The following TMEM132C variants were observed in gnomAD, a reference collection of about 807,000 sequenced individuals.
TMEM132C encodes protein phosphatase 1, regulatory subunit 152.
Under a neutral mutation model 61.4 loss-of-function variants are expected in TMEM132C, and 29 were observed. The ratio of observed to expected loss-of-function variants is 0.47; its 90% CI spans 0.35 to 0.64. The LOEUF is 0.64. Among genes scored for constraint, TMEM132C ranks in the 30% least tolerant of loss-of-function variants. TMEM132C has a pLI of 0.00. For missense variants in TMEM132C, 1,408 were observed against 1,476.9 expected (o/e 0.95, Z 0.76); for synonymous variants, 656 against 633.1 (o/e 1.04, Z -0.54).
At chr12:128,459,778 G>A (rs1051712948) in intron 2 of TMEM132C, among the ~76,000 whole-genome samples, 6 of 151,498 alleles carry the variant, frequency 4.0e-5, no homozygotes, top group African/African-American at 1.2e-4. Flanking sequence ...CCAGCTATTC[G>A]GGAGGCTGAG....
intron 3 of TMEM132C, among the ~76,000 whole-genome samples, chr12:128,595,656 G>A (rs1056469028): frequency 6.6e-5 from 10 of 152,192 alleles, no homozygotes; most frequent in Admixed American, 1.3e-4. Flanking sequence ...CAGAGGCCAG[G>A]CAGCAGCTGC....
chr12:128,695,684 A>C, intron 6 of TMEM132C, 146 bp from the exon 7 acceptor site: 3 of 786,898 alleles, frequency 3.8e-6, no homozygotes, highest in East Asian at 2.7e-5. Flanking sequence ...AGTGTTGCCT[A>C]GAGATAGGCT....
At chr12:128,642,839 T>A (rs1249864220) in intron 4 of TMEM132C, among the ~76,000 whole-genome samples, 1 of 152,178 alleles carries the variant, frequency 6.6e-6, no homozygotes, top group Non-Finnish European at 1.5e-5. Flanking sequence ...GACACACAAC[T>A]CAGAAGCAGC....
At chr12:128,530,251 T>C (rs1873239608) in intron 2 of TMEM132C, among the ~76,000 whole-genome samples, 3 of 152,228 alleles carry the variant, frequency 2.0e-5, no homozygotes, top group South Asian at 2.1e-4. Flanking sequence ...AGATCAGCCC[T>C]CATGGCACAG....
intron 1 of TMEM132C, among the ~76,000 whole-genome samples, chr12:128,370,962 GGTAA>G (rs1296122695): frequency 6.6e-6 from 1 of 152,114 alleles, no homozygotes; most frequent in Non-Finnish European, 1.5e-5. Flanking sequence ...CACCCTTTGA[GGTAA>G]GTCTTATTAC....
intron 5 of TMEM132C, among the ~76,000 whole-genome samples, chr12:128,669,957 A>G (rs1011344105): frequency 1.3e-5 from 2 of 152,206 alleles, no homozygotes; most frequent in African/African-American, 4.8e-5. Context: ...TTTTGTACCA[A>G]CCTAATAATT....
intron 4 of TMEM132C, among the ~76,000 whole-genome samples, chr12:128,642,447 C>T (rs1309862210): frequency 6.6e-6 from 1 of 152,174 alleles, no homozygotes; most frequent in Non-Finnish European, 1.5e-5. Flanking sequence ...GCAATGTGAT[C>T]CCCAGCATTG....
intron 3 of TMEM132C, among the ~76,000 whole-genome samples, chr12:128,598,980 C>T (rs1246614736): frequency 1.3e-5 from 2 of 152,162 alleles, no homozygotes; most frequent in African/African-American, 4.8e-5. Flanking sequence ...CCCTTGCCAA[C>T]TGGATTTTGG....
intron 2 of TMEM132C, among the ~76,000 whole-genome samples, chr12:128,482,583 C>A (rs763680511): frequency 6.6e-6 from 1 of 152,024 alleles, no homozygotes; most frequent in African/African-American, 2.4e-5. Context: ...TGGTAGAATT[C>A]GACTGTGAAT....
intron 4 of TMEM132C, among the ~76,000 whole-genome samples, chr12:128,619,943 G>T (rs1442141965): frequency 6.6e-6 from 1 of 152,090 alleles, no homozygotes; most frequent in Non-Finnish European, 1.5e-5. Context: ...AAGAATAAAT[G>T]GACAAGGCCA....
chr12:128,669,331 C>T (rs1954507042), intron 4 of TMEM132C, 86 bp from the exon 5 acceptor site: 2 of 1,479,038 alleles, frequency 1.4e-6, no homozygotes, highest in African/African-American at 1.4e-5. Flanking sequence ...CTGGTGTTTA[C>T]CCTGGGAGAT....
At chr12:128,343,197 G>C (rs570896474) in intron 1 of TMEM132C, among the ~76,000 whole-genome samples, 1 of 152,124 alleles carries the variant, frequency 6.6e-6, no homozygotes. Context: ...AGGCCGAGAC[G>C]GGTGGATCAC....
chr12:128,549,963 A>T (rs1204954689), intron 3 of TMEM132C, among the ~76,000 whole-genome samples: 1 of 152,124 alleles, frequency 6.6e-6, no homozygotes, highest in East Asian at 1.9e-4. Flanking sequence ...GCTTGTGCTT[A>T]TTCTTGTCCT....
At chr12:128,305,653 A>G (rs545433796) in intron 1 of TMEM132C, among the ~76,000 whole-genome samples, 21 of 152,192 alleles carry the variant, frequency 1.4e-4, no homozygotes, top group Middle Eastern at 6.8e-3. Context: ...CTAATGGAAG[A>G]ATTGGCTCGT....
At chr12:128,342,937 T>C (rs2135955806) in intron 1 of TMEM132C, among the ~76,000 whole-genome samples, 1 of 152,352 alleles carries the variant, frequency 6.6e-6, no homozygotes, top group East Asian at 1.9e-4. Flanking sequence ...GGAGGTCCAT[T>C]CTTTGCAATC....
chr12:128,396,133 G>GA (rs1197564742), intron 1 of TMEM132C, among the ~76,000 whole-genome samples: 1 of 152,056 alleles, frequency 6.6e-6, no homozygotes, highest in Non-Finnish European at 1.5e-5. Context: ...TTCTGTGGGG[G>GA]AAAAAACTAC....
At chr12:128,595,010 C>T (rs929308889) in intron 3 of TMEM132C, among the ~76,000 whole-genome samples, 1 of 152,184 alleles carries the variant, frequency 6.6e-6, no homozygotes. Context: ...TCCCTCACAT[C>T]CGAGGAGGGT....
chr12:128,316,847 C>T (rs189053230), intron 1 of TMEM132C, among the ~76,000 whole-genome samples: 2 of 152,198 alleles, frequency 1.3e-5, no homozygotes, highest in Admixed American at 6.5e-5. Flanking sequence ...TTTCCTGGGG[C>T]CATCTGTGAC....
At chr12:128,689,908 G>T (rs1348862795) in intron 5 of TMEM132C, among the ~76,000 whole-genome samples, 1 of 152,160 alleles carries the variant, frequency 6.6e-6, no homozygotes, top group African/African-American at 2.4e-5. Context: ...CCTGAGGCTC[G>T]CTCAAGTCTG....
Sources: gnomAD v4.1 joint callset for allele counts (sites outside exome capture counted in the v4.1 genomes callset) on GRCh38, gnomAD v4.1.1 for gene constraint, MANE v1.5 for transcripts, NCBI Gene and HGNC (gene_info 2026-07-23, HGNC 2026-07-21) for gene names.